The following NELL1 variants were observed in gnomAD, a reference collection of about 807,000 sequenced individuals.
The protein encoded by NELL1 is protein kinase C-binding protein NELL1.
In NELL1, 76 loss-of-function variants were observed where a neutral mutation model predicts 107.4. The ratio of observed to expected loss-of-function variants is 0.71; its 90% CI spans 0.59 to 0.86. NELL1 has a LOEUF of 0.86. Among genes scored for constraint, NELL1 ranks in the 40% least tolerant of loss-of-function variants. The pLI is 0.00. For synonymous variants in NELL1, 353 were observed against 341.2 expected (o/e 1.03, Z -0.38); for missense variants, 1,024 against 1,005.5 (o/e 1.02, Z -0.25).
At chr11:21,001,559 T>C (rs1407253645) in intron 12 of NELL1, among the ~76,000 whole-genome samples, 3 of 151,744 alleles carry the variant, frequency 2.0e-5, no homozygotes, top group African/African-American at 7.3e-5. Context: ...CCTGGTGTGT[T>C]ATTTGGGTTC....
At position 21,218,459 on chromosome 11, in the gene NELL1, C is replaced by A. The variant is rs189007310; in HGVS notation, c.1427-10873C>A. On this transcript the variant is annotated intron_variant, in intron 13 of 19. Coordinates refer to ENST00000357134, the MANE Select transcript of NELL1 (RefSeq NM_006157.5). ...AAATCAGAGTAATTAGCTTACCCAT[C>A]ACCTCAAATATTTATCATTTCTTTG... is the stretch of plus-strand genomic sequence containing the variant. 3.4e-3 allele frequency among the ~76,000 whole-genome samples: 511 copies of A among 152,174 alleles called. 4 individuals carry two copies. The highest frequency in any genetic ancestry group is 0.012 in the African/African-American group (490 of 41,516).
intron 15 of NELL1, among the ~76,000 whole-genome samples, chr11:21,417,907 C>G (rs1852558951): frequency 6.6e-6 from 1 of 152,012 alleles, no homozygotes; most frequent in Non-Finnish European, 1.5e-5. Context: ...CAAATCCCAT[C>G]CAGCTCAACA....
At chr11:20,791,730 GT>G (rs368213562) in intron 3 of NELL1, among the ~76,000 whole-genome samples, 1,765 of 79,492 alleles carry the variant, frequency 0.022, 41 homozygotes, top group African/African-American at 0.059. Flanking sequence ...CAGTCTGGAG[GT>G]TTTTTTTTTT....
At chr11:20,826,454 AC>A (rs1221211286) in intron 3 of NELL1, among the ~76,000 whole-genome samples, 1 of 151,178 alleles carries the variant, frequency 6.6e-6, no homozygotes, top group Admixed American at 6.6e-5. Flanking sequence ...GGTGAATGTG[AC>A]CTTTATTCTA....
intron 15 of NELL1, among the ~76,000 whole-genome samples, chr11:21,483,862 T>C (rs1480456800): frequency 1.1e-5 from 1 of 92,320 alleles, no homozygotes; most frequent in Non-Finnish European, 2.4e-5. Context: ...TATATATACA[T>C]ATACAAACAC....
At chr11:20,998,671 T>C (rs1013324765) in intron 12 of NELL1, among the ~76,000 whole-genome samples, 1 of 152,234 alleles carries the variant, frequency 6.6e-6, no homozygotes, top group African/African-American at 2.4e-5. Context: ...TCAATAATGT[T>C]GACCAGTAGG....
intron 13 of NELL1, among the ~76,000 whole-genome samples, chr11:21,153,348 G>A (rs1394484236): frequency 6.6e-6 from 1 of 152,230 alleles, no homozygotes; most frequent in South Asian, 2.1e-4. Context: ...TTGTGTATGT[G>A]AGATGACATC....
intron 4 of NELL1, among the ~76,000 whole-genome samples, chr11:20,857,139 G>A (rs1429934281): frequency 6.6e-6 from 1 of 152,190 alleles, no homozygotes; most frequent in African/African-American, 2.4e-5. Context: ...GAGGGAAGCT[G>A]TTGGCCGTAT....
intron 14 of NELL1, among the ~76,000 whole-genome samples, chr11:21,270,136 T>C (rs1339837792): frequency 6.6e-6 from 1 of 151,994 alleles, no homozygotes; most frequent in Admixed American, 6.5e-5. Flanking sequence ...ATTGGAAGAC[T>C]AAAATAGAAG....
intron 12 of NELL1, among the ~76,000 whole-genome samples, chr11:21,041,514 A>G (rs1853231916): frequency 1.3e-5 from 2 of 152,166 alleles, no homozygotes; most frequent in Non-Finnish European, 2.9e-5. Flanking sequence ...CATGATGCTC[A>G]CAACCACTCT....
intron 15 of NELL1, among the ~76,000 whole-genome samples, chr11:21,388,849 A>G (rs943101797): frequency 6.6e-6 from 1 of 151,862 alleles, no homozygotes; most frequent in Non-Finnish European, 1.5e-5. Context: ...GTTCTCAGAT[A>G]TCTACTGTAC....
chr11:21,397,268 AC>A, intron 15 of NELL1, among the ~76,000 whole-genome samples: 1 of 151,762 alleles, frequency 6.6e-6, no homozygotes, highest in East Asian at 2.0e-4. Flanking sequence ...TTAATATATA[AC>A]ATGTGAAGAC....
At chr11:21,181,796 A>G (rs1418209097) in intron 13 of NELL1, among the ~76,000 whole-genome samples, 1 of 151,858 alleles carries the variant, frequency 6.6e-6, no homozygotes, top group Non-Finnish European at 1.5e-5. Flanking sequence ...AATTAATAGA[A>G]AATACAACAC....
intron 3 of NELL1, among the ~76,000 whole-genome samples, chr11:20,825,221 C>T (rs1857853519): frequency 6.6e-6 from 1 of 151,394 alleles, no homozygotes; most frequent in Admixed American, 6.6e-5. Flanking sequence ...CATAGAGAAC[C>T]TCTGCTAGGG....
At chr11:20,856,112 T>A (rs973125094) in intron 4 of NELL1, among the ~76,000 whole-genome samples, 4 of 152,236 alleles carry the variant, frequency 2.6e-5, no homozygotes, top group Non-Finnish European at 5.9e-5. Flanking sequence ...AGGTGGTATA[T>A]TGGGGTTAGG....
intron 12 of NELL1, 86 bp downstream of exon 12, chr11:20,960,646 T>C: frequency 6.8e-7 from 1 of 1,474,896 alleles, no homozygotes; most frequent in African/African-American, 1.4e-5. Context: ...GTGAAAACTA[T>C]CACTTGGCTG....
intron 5 of NELL1, among the ~76,000 whole-genome samples, chr11:20,893,236 C>A (rs772520000): frequency 7.9e-5 from 12 of 151,462 alleles, no homozygotes; most frequent in Non-Finnish European, 1.6e-4. Flanking sequence ...GAGAGGGGAA[C>A]AACATACCCC....
chr11:21,129,167 T>A (rs1001107195), intron 13 of NELL1, among the ~76,000 whole-genome samples: 1 of 151,920 alleles, frequency 6.6e-6, no homozygotes, highest in African/African-American at 2.4e-5. Context: ...ATTGTGTGTA[T>A]GTGTGTGTGT....
At chr11:21,388,363 T>TAA (rs1851793803) in intron 15 of NELL1, among the ~76,000 whole-genome samples, 1 of 151,840 alleles carries the variant, frequency 6.6e-6, no homozygotes, top group African/African-American at 2.4e-5. Context: ...AGAGAAAGTC[T>TAA]AATTAGCAAA....
Sources: gnomAD v4.1 joint callset for allele counts (sites outside exome capture counted in the v4.1 genomes callset) on GRCh38, gnomAD v4.1.1 for gene constraint, MANE v1.5 for transcripts, NCBI Gene and HGNC (gene_info 2026-07-23, HGNC 2026-07-21) for gene names.